Variants in PTPRT observed in about 807,000 individuals in gnomAD.
PTPRT encodes the protein protein tyrosine phosphatase receptor type T.
Under a neutral mutation model 176.8 loss-of-function variants are expected in PTPRT, and 56 were observed. That is an observed-to-expected ratio of 0.32 (90% confidence interval 0.26 to 0.40). The LOEUF is 0.40. PTPRT is among the 10% of genes least tolerant of loss of function. The probability of loss-of-function intolerance (pLI) is 1.00; values close to 1 mark genes in which losing one functional copy is unlikely to be tolerated. For synonymous variants in PTPRT, 783 were observed against 739.0 expected (o/e 1.06, Z -0.96); for missense variants, 1,540 against 1,908.2 (o/e 0.81, Z 3.60).
intron 11 of PTPRT, among the ~76,000 whole-genome samples, chr20:42,330,353 G>T (rs997568185): frequency 1.3e-5 from 2 of 151,972 alleles, no homozygotes; most frequent in African/African-American, 4.8e-5. Flanking sequence ...GCACATGTCT[G>T]CAGTCCCAGC....
intron 7 of PTPRT, among the ~76,000 whole-genome samples, chr20:42,574,176 G>C (rs2073214965): frequency 6.6e-6 from 1 of 152,170 alleles, no homozygotes; most frequent in Non-Finnish European, 1.5e-5. Context: ...GGCCATGGCA[G>C]CCAGTATTTT....
chr20:42,380,461 G>C (rs2058688417), intron 9 of PTPRT, among the ~76,000 whole-genome samples: 2 of 152,284 alleles, frequency 1.3e-5, no homozygotes, highest in South Asian at 4.1e-4. Flanking sequence ...TGCCTGGCCT[G>C]GTTGGTTTCA....
chr20:42,428,839 G>C (rs2059190290), intron 9 of PTPRT, among the ~76,000 whole-genome samples: 1 of 152,140 alleles, frequency 6.6e-6, no homozygotes, highest in East Asian at 1.9e-4. Flanking sequence ...TTCAAGCTTG[G>C]GGGACACCAT....
At chr20:42,291,734 A>AAATTCTGGC (rs1362629381) in intron 12 of PTPRT, among the ~76,000 whole-genome samples, 14 of 152,114 alleles carry the variant, frequency 9.2e-5, no homozygotes, top group Non-Finnish European at 8.8e-5. Flanking sequence ...AAGACATACA[A>AAATTCTGGC]AATTCTGGCA....
intron 15 of PTPRT, among the ~76,000 whole-genome samples, chr20:42,229,855 ATTTTT>A: frequency 6.6e-6 from 1 of 151,274 alleles, no homozygotes; most frequent in East Asian, 1.9e-4. Flanking sequence ...AAATGATGTC[ATTTTT>A]TTTTCTTTTC....
chr20:42,908,318 A>T (rs1226845753), intron 1 of PTPRT, among the ~76,000 whole-genome samples: 1 of 152,166 alleles, frequency 6.6e-6, no homozygotes, highest in Non-Finnish European at 1.5e-5. Flanking sequence ...AATCTTAAAC[A>T]CCTTAGGGAG....
chr20:42,953,773 G>A (rs143066284), intron 1 of PTPRT, among the ~76,000 whole-genome samples: 12 of 152,222 alleles, frequency 7.9e-5, no homozygotes, highest in East Asian at 1.9e-4. Flanking sequence ...TGGCTAAACC[G>A]GGGTTTCTCA....
chr20:42,120,992 T>C lies in PTPRT; in HGVS notation c.2848-1021A>G, dbSNP rs891161754. ...AGTCCTAAAGTTTGATGAACATCTGTCTTTGTCTTAGATGTTGCTGACCAG... is the reference window on the plus strand; with the variant it reads ...AGTCCTAAAGTTTGATGAACATCTGCCTTTGTCTTAGATGTTGCTGACCAG... On this transcript the variant is annotated intron_variant, in intron 19 of 30. Transcript: ENST00000373187. Among the ~76,000 whole-genome samples the C allele has an allele frequency of 3.9e-5, 6 of 152,208 alleles. No individual in the cohort carries two copies. In the East Asian group the frequency reaches 1.2e-3, roughly 29 times the overall value.
chr20:42,134,872 G>A (rs1988300347), intron 18 of PTPRT, among the ~76,000 whole-genome samples: 1 of 152,206 alleles, frequency 6.6e-6, no homozygotes, highest in Non-Finnish European at 1.5e-5. Flanking sequence ...ATGATCTGAT[G>A]GTTTGGGACC....
At chr20:42,611,725 C>G (rs1600469601) in intron 7 of PTPRT, among the ~76,000 whole-genome samples, 1 of 152,210 alleles carries the variant, frequency 6.6e-6, no homozygotes, top group East Asian at 1.9e-4. Flanking sequence ...ACCATCCCCT[C>G]CTGGCTGTGG....
intron 9 of PTPRT, among the ~76,000 whole-genome samples, chr20:42,441,109 A>G (rs1013403964): frequency 2.0e-5 from 3 of 152,298 alleles, no homozygotes; most frequent in African/African-American, 7.2e-5. Context: ...AAAATTCACC[A>G]ATACAGGACC....
chr20:42,170,716 C>T (rs1053234490), intron 16 of PTPRT, among the ~76,000 whole-genome samples: 1 of 152,102 alleles, frequency 6.6e-6, no homozygotes. Context: ...AACAAAAAGA[C>T]ATTTTTAGAG....
At chr20:42,730,117 A>G (rs980118915) in intron 6 of PTPRT, among the ~76,000 whole-genome samples, 1 of 152,194 alleles carries the variant, frequency 6.6e-6, no homozygotes, top group Non-Finnish European at 1.5e-5. Context: ...TAATGTTGAC[A>G]AAGAGAAAAC....
intron 7 of PTPRT, among the ~76,000 whole-genome samples, chr20:42,531,303 A>ACC (rs757799821): frequency 1.3e-5 from 2 of 152,248 alleles, no homozygotes; most frequent in African/African-American, 2.4e-5. Context: ...TTAAAAATTT[A>ACC]CCTATGGGGT....
At chr20:42,700,209 T>C (rs532638183) in intron 6 of PTPRT, among the ~76,000 whole-genome samples, 4 of 152,206 alleles carry the variant, frequency 2.6e-5, no homozygotes, top group Non-Finnish European at 5.9e-5. Context: ...CATTTCGATG[T>C]GACCACCAGC....
intron 16 of PTPRT, among the ~76,000 whole-genome samples, chr20:42,168,606 T>C (rs560664233): frequency 6.6e-6 from 1 of 152,344 alleles, no homozygotes; most frequent in Non-Finnish European, 1.5e-5. Flanking sequence ...GGAAGATATA[T>C]ATTTCAACTG....
chr20:42,071,798 A>G (rs1447648789), downstream of PTPRT, among the ~76,000 whole-genome samples: 1 of 152,188 alleles, frequency 6.6e-6, no homozygotes, highest in Non-Finnish European at 1.5e-5. Flanking sequence ...CTGGGACTAC[A>G]GGTGTGTGCC....
At chr20:42,316,991 G>A (rs2057729858) in intron 11 of PTPRT, among the ~76,000 whole-genome samples, 1 of 152,168 alleles carries the variant, frequency 6.6e-6, no homozygotes, top group African/African-American at 2.4e-5. Context: ...TTACAAAGTA[G>A]GCATTGTTGC....
intron 12 of PTPRT, among the ~76,000 whole-genome samples, chr20:42,296,754 T>C (rs1261791710): frequency 2.6e-5 from 4 of 152,172 alleles, no homozygotes; most frequent in South Asian, 2.1e-4. Flanking sequence ...AACATTGTTA[T>C]TGTAAACAGT....
Sources: allele counts gnomAD v4.1 joint callset (sites outside exome capture counted in the v4.1 genomes callset), GRCh38; gene constraint gnomAD v4.1.1; transcripts MANE v1.5; gene names NCBI Gene and HGNC (gene_info 2026-07-23, HGNC 2026-07-21).